The following TJP1 variants were observed in gnomAD, a reference collection of about 807,000 sequenced individuals.
TJP1 encodes the protein tight junction protein 1.
TJP1 carries 43 observed loss-of-function variants against 194.2 expected under a neutral mutation model. The observed-to-expected ratio is 0.22, with a 90% confidence interval of 0.17 to 0.29. The LOEUF (loss-of-function observed/expected upper bound fraction) is 0.29, where lower values mean the gene tolerates loss of function less well. Ranked by LOEUF, TJP1 falls within the 10% of genes least tolerant of loss-of-function variation. The pLI, the probability that TJP1 is intolerant of heterozygous loss-of-function variation, is 1.00. For synonymous variants in TJP1, 801 were observed against 779.0 expected (o/e 1.03, Z -0.47); for missense variants, 1,971 against 2,185.7 (o/e 0.90, Z 1.96).
At chr15:29,786,416 TATTTA>T (rs2047703843) in intron 2 of TJP1, among the ~76,000 whole-genome samples, 1 of 152,234 alleles carries the variant, frequency 6.6e-6, no homozygotes, top group Non-Finnish European at 1.5e-5. Context: ...CCCTTTATTT[TATTTA>T]CTTTATTGCA....
intron 23 of TJP1, among the ~76,000 whole-genome samples, chr15:29,716,344 A>G (rs1388632850): frequency 1.3e-5 from 2 of 152,206 alleles, no homozygotes; most frequent in Admixed American, 6.5e-5. Context: ...ATGATTACCT[A>G]TCGATGAGGG....
chr15:29,779,160 T>A (rs539153202), intron 2 of TJP1, among the ~76,000 whole-genome samples: 2 of 152,132 alleles, frequency 1.3e-5, no homozygotes, highest in Non-Finnish European at 2.9e-5. Flanking sequence ...GCAGCTCTTG[T>A]CCACTTCAAG....
intron 4 of TJP1, among the ~76,000 whole-genome samples, chr15:29,767,966 T>C (rs1339242119): frequency 6.6e-6 from 1 of 152,132 alleles, no homozygotes; most frequent in Non-Finnish European, 1.5e-5. Context: ...ATCTCTTTAT[T>C]TACCTAAAAT....
intron 15 of TJP1, among the ~76,000 whole-genome samples, chr15:29,731,926 G>A (rs2043689462): frequency 6.6e-6 from 1 of 152,098 alleles, no homozygotes; most frequent in Non-Finnish European, 1.5e-5. Context: ...AATAACAACA[G>A]CTGATAATAT....
chr15:29,950,453 C>T (rs2055703148), intron 2 of TJP1, among the ~76,000 whole-genome samples: 1 of 151,652 alleles, frequency 6.6e-6, no homozygotes, highest in African/African-American at 2.4e-5. Flanking sequence ...TCTTCCACCA[C>T]CAACTCCACC....
At chr15:29,882,254 G>T (rs1486693981) in intron 2 of TJP1, among the ~76,000 whole-genome samples, 1 of 152,058 alleles carries the variant, frequency 6.6e-6, no homozygotes, top group East Asian at 1.9e-4. Context: ...CATATGTTTT[G>T]TGTTTGTGCG....
intron 8 of TJP1, chr15:29,760,272 C>T: frequency 2.8e-6 from 2 of 702,182 alleles, no homozygotes; most frequent in South Asian, 3.0e-5. Context: ...AGAGAAGGAT[C>T]ATAATTTTCT....
chr15:29,812,126 C>A (rs2049565194), intron 1 of TJP1, among the ~76,000 whole-genome samples: 1 of 152,136 alleles, frequency 6.6e-6, no homozygotes, highest in Non-Finnish European at 1.5e-5. Context: ...TAGTGGCAGA[C>A]TCAGGATTCA....
chr15:29,961,621 G>A (rs2056167164), intron 1 of TJP1, among the ~76,000 whole-genome samples: 1 of 152,156 alleles, frequency 6.6e-6, no homozygotes, highest in Non-Finnish European at 1.5e-5. Context: ...AAACGCTGAA[G>A]TCCAGGGCCC....
intron 2 of TJP1, among the ~76,000 whole-genome samples, chr15:29,891,499 T>G (rs756433988): frequency 3.3e-5 from 5 of 152,244 alleles, no homozygotes; most frequent in Non-Finnish European, 5.9e-5. Flanking sequence ...TATTGCACTT[T>G]GCAGATATTG....
rs1438829608 is a variant in TJP1 at position 29,959,347 on chromosome 15, CT to C, written c.174-2984del. ...TCTCATGCATCTTTCCAAAAATAACCTTTTTTTCTTCTGAAAATCACCATCT... is the reference window on the plus strand; with the variant it reads ...TCTCATGCATCTTTCCAAAAATAACCTTTTTTCTTCTGAAAATCACCATCT... On this transcript the variant is annotated intron_variant, in intron 1 of 28. Coordinates refer to the TJP1 transcript ENST00000356107. 4.6e-5 allele frequency among the ~76,000 whole-genome samples: 7 copies of C among 152,028 alleles called. No homozygotes were observed. In the East Asian group the frequency reaches 1.2e-3, roughly 25 times the overall value.
intron 6 of TJP1, among the ~76,000 whole-genome samples, chr15:29,762,048 A>G (rs555855716): frequency 4.2e-4 from 64 of 152,322 alleles, no homozygotes; most frequent in African/African-American, 1.5e-3. Flanking sequence ...AAGCATTTCA[A>G]TAGTATCTGG....
At chr15:29,777,035 C>T (rs190214831) in intron 2 of TJP1, among the ~76,000 whole-genome samples, 81 of 152,234 alleles carry the variant, frequency 5.3e-4, no homozygotes, top group African/African-American at 1.9e-3. Flanking sequence ...CCACCCCCCC[C>T]ACTCAATACA....
At chr15:29,918,277 G>A (rs1383816378) in intron 2 of TJP1, among the ~76,000 whole-genome samples, 3 of 152,208 alleles carry the variant, frequency 2.0e-5, no homozygotes, top group South Asian at 2.1e-4. Flanking sequence ...TGCGAATATC[G>A]CCGCTATGAA....
chr15:29,702,751 T>C (rs999194869), intron 27 of TJP1, among the ~76,000 whole-genome samples: 7 of 152,210 alleles, frequency 4.6e-5, no homozygotes, highest in African/African-American at 1.7e-4. Flanking sequence ...TACTTGTAAA[T>C]ATGAGGAAAT....
intron 2 of TJP1, among the ~76,000 whole-genome samples, chr15:29,794,072 A>C (rs1468222502): frequency 6.6e-6 from 1 of 152,214 alleles, no homozygotes; most frequent in African/African-American, 2.4e-5. Flanking sequence ...AGAGTTCAGC[A>C]GTGAAGCCAT....
intron 2 of TJP1, among the ~76,000 whole-genome samples, chr15:29,848,776 T>C (rs1016215350): frequency 1.3e-5 from 2 of 152,072 alleles, no homozygotes; most frequent in Non-Finnish European, 2.9e-5. Context: ...GGAGAATCAT[T>C]TGAACCAGGG....
intron 2 of TJP1, among the ~76,000 whole-genome samples, chr15:29,836,934 G>A (rs967164814): frequency 4.6e-5 from 7 of 152,286 alleles, no homozygotes; most frequent in South Asian, 4.1e-4. Context: ...ACCCACTGGC[G>A]CAGCCCCCTT....
chr15:29,876,336 A>G (rs112895376), intron 2 of TJP1, among the ~76,000 whole-genome samples: 21,554 of 152,046 alleles, frequency 0.14, 1,803 homozygotes, highest in South Asian at 0.29. Flanking sequence ...CTTGACCAAC[A>G]TGGTGAAACT....
Sources: allele counts gnomAD v4.1 joint callset (sites outside exome capture counted in the v4.1 genomes callset), GRCh38; gene constraint gnomAD v4.1.1; transcripts MANE v1.5; gene names NCBI Gene and HGNC (gene_info 2026-07-23, HGNC 2026-07-21).